PCDHGB2: variants seen among roughly 807,000 people sequenced by gnomAD.
PCDHGB2 encodes the protein protocadherin gamma-B2.
PCDHGB2 carries 55 observed loss-of-function variants against 59.3 expected under a neutral mutation model. That is an observed-to-expected ratio of 0.93 (90% CI 0.75 to 1.16). PCDHGB2 has a LOEUF of 1.16. PCDHGB2 is among the 50% of genes most tolerant of loss of function. The pLI, the probability that PCDHGB2 is intolerant of heterozygous loss-of-function variation, is 0.00. For missense variants in PCDHGB2, 1,228 were observed against 1,198.5 expected, an observed-to-expected ratio of 1.02 and a Z score of -0.36; for synonymous variants, 516 against 512.0, an observed-to-expected ratio of 1.01 and a Z score of -0.11.
At chr5:141,409,878 C>T in intron 1 of PCDHGB2, 4 of 1,612,952 alleles carry the variant, frequency 2.5e-6, no homozygotes, top group Middle Eastern at 1.6e-4. Flanking sequence ...AATGACAACG[C>T]ACCGCGGGTG....
chr5:141,503,136 A>G (rs1352550702), intron 2 of PCDHGB2, among the ~76,000 whole-genome samples: 5 of 151,846 alleles, frequency 3.3e-5, no homozygotes, highest in Admixed American at 2.0e-4. Context: ...GTAGCCCCTG[A>G]CACAGCCCAT....
chr5:141,374,896 A>T (rs1038384205), intron 1 of PCDHGB2: 1 of 1,613,804 alleles, frequency 6.2e-7, no homozygotes, highest in Non-Finnish European at 8.5e-7. Flanking sequence ...ACCAGGATGA[A>T]GGAGTCCACG....
chr5:141,442,321 C>G (rs1323525940), intron 1 of PCDHGB2: 1 of 152,360 alleles, frequency 6.6e-6, no homozygotes, highest in African/African-American at 2.4e-5. Context: ...ATGTCTATCC[C>G]GCGCTAAGCC....
At chr5:141,405,470 A>G in intron 1 of PCDHGB2, 1 of 1,108,980 alleles carries the variant, frequency 9.0e-7, no homozygotes, top group Non-Finnish European at 1.3e-6. Flanking sequence ...CCCAGGCTGG[A>G]ATGCAGTGGT....
chr5:141,387,780 G>T, intron 1 of PCDHGB2: 2 of 1,461,128 alleles, frequency 1.4e-6, no homozygotes, highest in Admixed American at 2.6e-5. Flanking sequence ...TCTTGAACTG[G>T]AACTGCAACT....
chr5:141,388,723 C>T, intron 1 of PCDHGB2: 1 of 1,614,018 alleles, frequency 6.2e-7, no homozygotes, highest in Non-Finnish European at 8.5e-7. Flanking sequence ...ATTACTTTCT[C>T]TTTCAGTGAA....
intron 1 of PCDHGB2, chr5:141,398,830 G>A: frequency 6.2e-7 from 1 of 1,613,946 alleles, no homozygotes; most frequent in Non-Finnish European, 8.5e-7. Flanking sequence ...GGTAACCGAC[G>A]CCAATGATAA....
intron 1 of PCDHGB2, chr5:141,365,318 A>G (rs1588611764): frequency 1.2e-6 from 2 of 1,613,922 alleles, no homozygotes; most frequent in East Asian, 2.2e-5. Flanking sequence ...TCTTGTTGCC[A>G]GCGCTAAGGT....
chr5:141,406,079 T>C (rs570702423), intron 1 of PCDHGB2, among the ~76,000 whole-genome samples: 2 of 151,808 alleles, frequency 1.3e-5, no homozygotes, highest in South Asian at 2.1e-4. Context: ...CTCCTTTTTT[T>C]TTTTTTTTAA....
rs1429860093 is a variant in PCDHGB2, at chr5:141,487,828, C to A, written c.2422-6979C>A. 3 of 1,184,120 alleles carry A rather than the reference C, an allele frequency of 2.5e-6. No individual in the cohort carries two copies. The highest frequency in any genetic ancestry group is 1.5e-5 in the African/African-American group (1 of 64,540). The allele number at this position is 1,184,120 out of a possible 1,614,324, so 73.4% of individuals were successfully genotyped here. A position where few individuals can be genotyped will look rare whatever the true frequency, so the allele number is the denominator to read the frequency against. ...AGTTTAGCATTGGGGGCGGGTCATG[C>A]CTATATCTGAGTAAGAAATGAAAGT... On this transcript the variant is annotated intron_variant, in intron 1 of 3. Coordinates refer to ENST00000522605, the MANE Select transcript of PCDHGB2 (RefSeq NM_018923.3). The surrounding 1 kb of genome is among the most constrained non-coding windows in gnomAD (Gnocchi z 5.0).
Position 141,490,389 on chromosome 5 carries a change from T to C in PCDHGB2, c.2422-4418T>C, listed in dbSNP as rs1221410350. The C allele has an allele frequency of 6.2e-7, 1 of 1,614,174 alleles. No homozygotes were observed. Among genetic ancestry groups the C allele is most frequent in the African/African-American group, 1.3e-5 (1 of 75,040 alleles). On this transcript the variant is annotated intron_variant, in intron 1 of 3. Transcript: ENST00000522605. The surrounding 1 kb of genome is among the most constrained non-coding windows in gnomAD (Gnocchi z 5.4). The stretch of plus-strand genomic sequence containing the variant: ...GAGACCGGGACTCAGGTAGAAATGG[T>C]GAAGTGAGCCTTGATATCTCTCCGG...
At position 141,491,390 on chromosome 5, in the gene PCDHGB2, T is replaced by C; in HGVS notation, c.2422-3417T>C. 6.2e-7 allele frequency: 1 copy of C among 1,614,130 alleles called. No homozygotes were observed. Among genetic ancestry groups the C allele is most frequent in the Non-Finnish European group, 8.5e-7 (1 of 1,179,988 alleles). ...TTCACCTTTCTGTCAGCGAAGTGCC[T>C]TCAGGGAAACGCAGACGGGGACGGG... On this transcript the variant is annotated intron_variant, in intron 1 of 3. Coordinates refer to ENST00000522605, the MANE Select transcript of PCDHGB2 (RefSeq NM_018923.3). This position sits in a 1 kb window ranked among gnomAD's most constrained non-coding sequence, Gnocchi z 6.9.
rs745457172 is a variant in PCDHGB2 at position 141,490,744 on chromosome 5, C to T, written c.2422-4063C>T. The stretch of plus-strand genomic sequence containing the variant: ...TGTAGGAAATCAGGTTCAGGGAGCC[C>T]CAGCCTCCTCCTTTGTGTATGTCAA... On this transcript the variant is annotated intron_variant, in intron 1 of 3. Coordinates refer to ENST00000522605, the MANE Select transcript of PCDHGB2 (RefSeq NM_018923.3). The surrounding 1 kb of genome is among the most constrained non-coding windows in gnomAD (Gnocchi z 5.4). 1 of 1,614,142 alleles carries T rather than the reference C, an allele frequency of 6.2e-7. No homozygotes were observed. Among genetic ancestry groups the T allele is most frequent in the Non-Finnish European group, 8.5e-7 (1 of 1,180,006 alleles).
intron 1 of PCDHGB2, among the ~76,000 whole-genome samples, chr5:141,381,695 T>C (rs1479367517): frequency 6.6e-6 from 1 of 152,164 alleles, no homozygotes; most frequent in Non-Finnish European, 1.5e-5. Flanking sequence ...CAAACAACGA[T>C]TTCTTTCTTT....
rs765249445 is a variant in PCDHGB2, at chr5:141,489,754, C to T, written c.2422-5053C>T. ...CACCAATACTGTGAGCTTTTACACT[C>T]TAAGCCCCAACAGCCACTTCTCTCT... is the stretch of plus-strand genomic sequence containing the variant. On this transcript the variant is annotated intron_variant, in intron 1 of 3. Coordinates refer to ENST00000522605, the MANE Select transcript of PCDHGB2 (RefSeq NM_018923.3). The surrounding 1 kb of genome is among the most constrained non-coding windows in gnomAD (Gnocchi z 4.5). The T allele has an allele frequency of 4.0e-5, 64 of 1,613,992 alleles. No individual in the cohort carries two copies. The South Asian group carries it at 6.8e-4, about 17-fold the overall frequency.
intron 1 of PCDHGB2, chr5:141,428,344 G>C (rs970552377): frequency 8.4e-6 from 5 of 596,498 alleles, no homozygotes; most frequent in Non-Finnish European, 1.5e-5. Context: ...CTTCTTCCTC[G>C]CAGTGATTTT....
chr5:141,405,698 G>C (rs1274236930), intron 1 of PCDHGB2, among the ~76,000 whole-genome samples: 1 of 152,128 alleles, frequency 6.6e-6, no homozygotes, highest in Non-Finnish European at 1.5e-5. Flanking sequence ...GGCTGGTCTT[G>C]AATTCCTAAC....
At chr5:141,421,522 A>G in intron 1 of PCDHGB2, 1 of 1,614,068 alleles carries the variant, frequency 6.2e-7, no homozygotes, top group Non-Finnish European at 8.5e-7. Context: ...GCTCTGTGAG[A>G]CGGTGTCCTC....
intron 1 of PCDHGB2, chr5:141,404,478 CAG>C (rs749664270): frequency 1.9e-6 from 3 of 1,613,412 alleles, no homozygotes; most frequent in Non-Finnish European, 2.5e-6. Context: ...TCTATTAACT[CAG>C]ACACTGGTGT....
Sources: allele counts gnomAD v4.1 joint callset (sites outside exome capture counted in the v4.1 genomes callset), GRCh38; gene constraint gnomAD v4.1.1; non-coding constraint Gnocchi (gnomAD v3.1); transcripts MANE v1.5; gene names NCBI Gene and HGNC (gene_info 2026-07-23, HGNC 2026-07-21).